CAMKMT: variants seen among roughly 807,000 people sequenced by gnomAD.
CAMKMT encodes calmodulin-lysine N-methyltransferase, also known as CaM KMT.
A neutral mutation model predicts 48.0 loss-of-function variants in CAMKMT; 53 were observed. The observed-to-expected ratio is 1.10, with a 90% CI of 0.89 to 1.39. CAMKMT has a LOEUF of 1.39. CAMKMT is among the 40% of genes most tolerant of loss of function. The probability of loss-of-function intolerance (pLI) is 0.00; values close to 1 mark genes in which losing one functional copy is unlikely to be tolerated. For synonymous variants in CAMKMT, 165 were observed against 152.3 expected (o/e 1.08, Z -0.61); for missense variants, 428 against 402.7 (o/e 1.06, Z -0.54).
chr2:44,449,491 G>A (rs2104586558), intron 3 of CAMKMT, among the ~76,000 whole-genome samples: 1 of 151,886 alleles, frequency 6.6e-6, no homozygotes, highest in East Asian at 1.9e-4. Flanking sequence ...TATCTCAGTA[G>A]TTTATATCTC....
At chr2:44,737,117 A>AT in intron 7 of CAMKMT, among the ~76,000 whole-genome samples, 1 of 151,668 alleles carries the variant, frequency 6.6e-6, no homozygotes, top group Non-Finnish European at 1.5e-5. Context: ...TGTTTTTGAG[A>AT]TTTTGCGTTT....
chr2:44,759,547 A>G (rs1680524016), intron 9 of CAMKMT, among the ~76,000 whole-genome samples: 1 of 152,070 alleles, frequency 6.6e-6, no homozygotes, highest in African/African-American at 2.4e-5. Context: ...TGGGATCAGT[A>G]CCGTGAACTG....
chr2:44,661,262 A>G lies in CAMKMT; in HGVS notation c.377-43021A>G, dbSNP rs368203197. On this transcript the variant is annotated intron_variant, in intron 3 of 10. Coordinates refer to ENST00000378494, the MANE Select transcript of CAMKMT (RefSeq NM_024766.5). ...AGAATAACACATTTTATTTTGCTCT[A>G]TTTTATTTTTCTTTATTTAGGTAAT... 1.4e-4 allele frequency among the ~76,000 whole-genome samples: 18 copies of G among 131,506 alleles called. No individual in the cohort carries two copies. In the South Asian group the frequency reaches 3.1e-3, roughly 23 times the overall value. 86.3% of individuals were successfully genotyped at this position (131,506 alleles called of 152,430 possible). A position where few individuals can be genotyped will look rare whatever the true frequency, so the allele number is the denominator to read the frequency against.
At chr2:44,533,826 C>G (rs1267736404) in intron 3 of CAMKMT, among the ~76,000 whole-genome samples, 1 of 152,080 alleles carries the variant, frequency 6.6e-6, no homozygotes, top group African/African-American at 2.4e-5. Context: ...AAGAAAGGAA[C>G]AAAGAATATA....
At chr2:44,432,353 C>G (rs868676412) in intron 3 of CAMKMT, among the ~76,000 whole-genome samples, 27 of 152,266 alleles carry the variant, frequency 1.8e-4, no homozygotes, top group African/African-American at 6.0e-4. Flanking sequence ...TGATTGGAAA[C>G]TCTCAACCCC....
intron 3 of CAMKMT, among the ~76,000 whole-genome samples, chr2:44,610,238 A>C (rs909453015): frequency 2.0e-5 from 3 of 152,328 alleles, no homozygotes; most frequent in Admixed American, 1.3e-4. Flanking sequence ...TGGTTCCATG[A>C]GAGCTTATAG....
At chr2:44,497,709 A>AG (rs1558657751) in intron 3 of CAMKMT, among the ~76,000 whole-genome samples, 3,295 of 138,968 alleles carry the variant, frequency 0.024, 140 homozygotes, top group African/African-American at 0.083. Flanking sequence ...TAAGCAGGCA[A>AG]AGAGAGAGAG....
At chr2:44,754,520 A>G (rs1254365162) in intron 9 of CAMKMT, among the ~76,000 whole-genome samples, 1 of 152,146 alleles carries the variant, frequency 6.6e-6, no homozygotes, top group Admixed American at 6.5e-5. Context: ...TTATTTATTT[A>G]TTGCAAAATA....
At chr2:44,506,175 T>G (rs1292256002) in intron 3 of CAMKMT, among the ~76,000 whole-genome samples, 5 of 152,142 alleles carry the variant, frequency 3.3e-5, no homozygotes, top group African/African-American at 1.2e-4. Context: ...AGTTTAAATC[T>G]GTGCTTTTTT....
At chr2:44,761,077 G>T (rs1311449864) in intron 9 of CAMKMT, among the ~76,000 whole-genome samples, 2 of 152,210 alleles carry the variant, frequency 1.3e-5, no homozygotes, top group African/African-American at 4.8e-5. Flanking sequence ...CAGCAGAGGT[G>T]TGGGCAACCC....
At chr2:44,599,227 T>G (rs964275545) in intron 3 of CAMKMT, among the ~76,000 whole-genome samples, 1 of 152,176 alleles carries the variant, frequency 6.6e-6, no homozygotes, top group Non-Finnish European at 1.5e-5. Context: ...ATTTCTCAAA[T>G]ACTGTGACCA....
chr2:44,464,153 A>G (rs1252892121), intron 3 of CAMKMT, among the ~76,000 whole-genome samples: 1 of 152,162 alleles, frequency 6.6e-6, no homozygotes, highest in Non-Finnish European at 1.5e-5. Context: ...ACTATAAAAA[A>G]GAACAAACTA....
At chr2:44,626,937 T>C (rs184288654) in intron 3 of CAMKMT, among the ~76,000 whole-genome samples, 45 of 152,332 alleles carry the variant, frequency 3.0e-4, no homozygotes, top group Non-Finnish European at 5.0e-4. Flanking sequence ...ACAGTGGATA[T>C]CCTTGCCTCG....
chr2:44,712,246 C>T (rs1246650404), intron 6 of CAMKMT, among the ~76,000 whole-genome samples: 1 of 151,200 alleles, frequency 6.6e-6, no homozygotes, highest in African/African-American at 2.4e-5. Flanking sequence ...TTTGGTATTC[C>T]AGCGAAAATA....
chr2:44,457,777 A>G (rs2104609597), intron 3 of CAMKMT, among the ~76,000 whole-genome samples: 1 of 152,340 alleles, frequency 6.6e-6, no homozygotes, highest in East Asian at 1.9e-4. Context: ...AAGCAAAGAT[A>G]GATTAGAAAC....
chr2:44,613,042 A>G (rs1671682841), intron 3 of CAMKMT, among the ~76,000 whole-genome samples: 1 of 152,228 alleles, frequency 6.6e-6, no homozygotes, highest in Non-Finnish European at 1.5e-5. Context: ...GTAGAAGAAT[A>G]TAGGAATCTA....
At chr2:44,520,105 G>A (rs985514529) in intron 3 of CAMKMT, among the ~76,000 whole-genome samples, 2 of 151,794 alleles carry the variant, frequency 1.3e-5, no homozygotes, top group African/African-American at 4.8e-5. Context: ...TGTGGTCCCA[G>A]CTATTCGGGA....
At chr2:44,541,152 G>T (rs1012127372) in intron 3 of CAMKMT, among the ~76,000 whole-genome samples, 1 of 152,118 alleles carries the variant, frequency 6.6e-6, no homozygotes. Context: ...CCATCTCATA[G>T]GTTTTCATTA....
intron 3 of CAMKMT, among the ~76,000 whole-genome samples, chr2:44,545,238 C>T (rs1032710508): frequency 1.3e-5 from 2 of 152,218 alleles, no homozygotes; most frequent in African/African-American, 4.8e-5. Flanking sequence ...CTGCAAACCA[C>T]CATTAGCAAT....
Sources: allele counts gnomAD v4.1 joint callset (sites outside exome capture counted in the v4.1 genomes callset), GRCh38; gene constraint gnomAD v4.1.1; transcripts MANE v1.5; gene names NCBI Gene and HGNC (gene_info 2026-07-23, HGNC 2026-07-21).